Variants in KCNQ1 observed in about 807,000 individuals in gnomAD.
KCNQ1 encodes potassium voltage-gated channel subfamily Q member 1.
Under a neutral mutation model 72.4 loss-of-function variants are expected in KCNQ1, and 49 were observed. The observed-to-expected ratio is 0.68, with a 90% CI of 0.54 to 0.86. KCNQ1 has a LOEUF of 0.86. KCNQ1 is among the 40% of genes least tolerant of loss of function. The probability of loss-of-function intolerance (pLI) is 0.00; values close to 1 mark genes in which losing one functional copy is unlikely to be tolerated. For synonymous variants in KCNQ1, 450 were observed against 412.6 expected, an observed-to-expected ratio of 1.09 and a Z score of -1.10; for missense variants, 790 against 945.1, an observed-to-expected ratio of 0.84 and a Z score of 2.15.
chr11:2,534,778 C>A (rs1343893881), intron 2 of KCNQ1, among the ~76,000 whole-genome samples: 1 of 152,246 alleles, frequency 6.6e-6, no homozygotes, highest in Non-Finnish European at 1.5e-5. Flanking sequence ...ACGCGGTCGT[C>A]TTCTCCCTGG....
In KCNQ1 at chr11:2,676,243, A is replaced by C. The variant is rs757157851; in HGVS notation, c.1514+14162A>C. On this transcript the variant is annotated intron_variant, in intron 11 of 15. Coordinates refer to ENST00000155840, the MANE Select transcript of KCNQ1 (RefSeq NM_000218.3). The surrounding 1 kb of genome is among the most constrained non-coding windows in gnomAD (Gnocchi z 4.2). ...CAATGCTGATTTATTATGGTGCAGT[A>C]CATCTGAGAAGCATTTTTATTGCAA... 7.7e-4 allele frequency: 307 copies of C among 398,550 alleles called. 2 individuals carry two copies. The highest frequency in any genetic ancestry group is 1.2e-3 in the Non-Finnish European group (266 of 226,070). The allele number at this position is 398,550 out of a possible 1,614,324, so 24.7% of individuals were successfully genotyped here.
Position 2,495,507 on chromosome 11 carries a change from G to GCA in KCNQ1, c.387-32420_387-32419insAC, listed in dbSNP as rs1267287673. Among the ~76,000 whole-genome samples the GCA allele has an allele frequency of 3.3e-5, 5 of 152,152 alleles. No individual in the cohort carries two copies. The highest frequency in any genetic ancestry group is 7.3e-5 in the Non-Finnish European group (5 of 68,042). ...AAATTTGCCTCTAAACACTGCTTTA[G>GCA]CTGTGTCCCAGAAATTCTGGTACGT... On this transcript the variant is annotated intron_variant, in intron 1 of 15. Transcript: ENST00000155840. The surrounding 1 kb of genome is among the most constrained non-coding windows in gnomAD (Gnocchi z 4.6).
intron 10 of KCNQ1, chr11:2,660,354 G>A (rs1348083922): frequency 2.5e-6 from 1 of 398,370 alleles, no homozygotes; most frequent in Non-Finnish European, 4.4e-6. Flanking sequence ...AAATTTAAGA[G>A]AGAATTGTAT....
In KCNQ1 at chr11:2,544,294, G is replaced by GTA. The variant is rs1564811965; in HGVS notation, c.477+16282_477+16283dup. 3.7e-4 allele frequency among the ~76,000 whole-genome samples: 39 copies of GTA among 106,626 alleles called. No homozygotes were observed. Among genetic ancestry groups the GTA allele is most frequent in the African/African-American group, 1.7e-3 (35 of 21,150 alleles). The allele number at this position is 106,626 out of a possible 152,430, so 70.0% of individuals were successfully genotyped here. On this transcript the variant is annotated intron_variant, in intron 2 of 15. Coordinates refer to ENST00000155840, the MANE Select transcript of KCNQ1 (RefSeq NM_000218.3). The surrounding 1 kb of genome is among the most constrained non-coding windows in gnomAD (Gnocchi z 4.4). ...TGTATATATATGTGTATATATATAT[G>GTA]TATATATGTGTATATATGTATATAT...
chr11:2,833,214 C>T (rs1304406832), intron 15 of KCNQ1, among the ~76,000 whole-genome samples: 1 of 152,164 alleles, frequency 6.6e-6, no homozygotes, highest in African/African-American at 2.4e-5. Context: ...GCAAGGGGCC[C>T]ACGCGCCAGG....
intron 15 of KCNQ1, among the ~76,000 whole-genome samples, chr11:2,805,747 G>T (rs564492364): frequency 1.3e-5 from 2 of 152,210 alleles, no homozygotes; most frequent in Non-Finnish European, 2.9e-5. Flanking sequence ...GAACCTAATT[G>T]TGTGGTCTTC....
intron 11 of KCNQ1, among the ~76,000 whole-genome samples, chr11:2,760,023 G>A (rs1395691475): frequency 1.3e-5 from 2 of 152,240 alleles, no homozygotes; most frequent in African/African-American, 4.8e-5. Context: ...GGGCAGCCCA[G>A]TCCGGGAAAC....
Position 2,484,990 on chromosome 11 carries a change from C to T in KCNQ1, c.386+39506C>T, listed in dbSNP as rs143046152. Among the ~76,000 whole-genome samples, 4 of 152,292 alleles carry T rather than the reference C, an allele frequency of 2.6e-5. No individual in the cohort carries two copies. Among genetic ancestry groups the T allele is most frequent in the Admixed American group, 6.5e-5 (1 of 15,296 alleles). On this transcript the variant is annotated intron_variant, in intron 1 of 15. Coordinates refer to ENST00000155840, the MANE Select transcript of KCNQ1 (RefSeq NM_000218.3). This position sits in a 1 kb window ranked among gnomAD's most constrained non-coding sequence, Gnocchi z 5.2. ...GGAACTGGCTCCATACTTGCTGATG[C>T]GTGCCCCCATGAGAAGTGACTGACC...
chr11:2,697,398 G>C (rs1237397304), intron 11 of KCNQ1: 1 of 398,344 alleles, frequency 2.5e-6, no homozygotes, highest in African/African-American at 2.1e-5. Flanking sequence ...TCTTGTATTA[G>C]GGTATGGCCA....
At chr11:2,788,634 G>A (rs1022732410) in intron 15 of KCNQ1, among the ~76,000 whole-genome samples, 1 of 151,914 alleles carries the variant, frequency 6.6e-6, no homozygotes, top group African/African-American at 2.4e-5. Flanking sequence ...AGGCAAAGGC[G>A]GGGGCTCTGA....
At chr11:2,694,926 T>G (rs1219921342) in intron 11 of KCNQ1, 1 of 398,360 alleles carries the variant, frequency 2.5e-6, no homozygotes, top group Non-Finnish European at 4.4e-6. Context: ...CAGGCAGAGG[T>G]GGTGAAGGCC....
At chr11:2,644,988 G>A (rs999554238) in intron 10 of KCNQ1, 3 of 398,522 alleles carry the variant, frequency 7.5e-6, no homozygotes, top group Non-Finnish European at 1.3e-5. Flanking sequence ...AGTGTATGCT[G>A]GTACCAGTGT....
At position 2,471,903 on chromosome 11, in the gene KCNQ1, T is replaced by C. The variant is rs1846476502; in HGVS notation, c.386+26419T>C. On this transcript the variant is annotated intron_variant, in intron 1 of 15. Transcript: ENST00000155840. The surrounding 1 kb of genome is among the most constrained non-coding windows in gnomAD (Gnocchi z 4.8). ...GTGCACATGTGTATAGGTGTGTGTA[T>C]GCGTGCACCTATGTGTGTATAGGCG... 6.6e-6 allele frequency among the ~76,000 whole-genome samples: 1 copy of C among 151,336 alleles called. No individual in the cohort carries two copies. Among genetic ancestry groups the C allele is most frequent in the African/African-American group, 2.4e-5 (1 of 40,894 alleles).
chr11:2,480,143 T>G (rs893559271), intron 1 of KCNQ1, among the ~76,000 whole-genome samples: 6 of 149,134 alleles, frequency 4.0e-5, no homozygotes, highest in Admixed American at 6.7e-5. Context: ...TTCCAGACTC[T>G]CCCACATTTT....
chr11:2,687,660 C>T lies in KCNQ1; in HGVS notation c.1514+25579C>T, dbSNP rs1463591330. 2 of 398,576 alleles carry T rather than the reference C, an allele frequency of 5.0e-6. No homozygotes were observed. The highest frequency in any genetic ancestry group is 2.1e-5 in the African/African-American group (1 of 48,616). 24.7% of individuals were successfully genotyped at this position (398,576 alleles called of 1,614,324 possible). ...CTGTAAAAATTGGGACCTGTCCTTG[C>T]CAGCCAGGTCTCAGGGAGCTCAGGG... On this transcript the variant is annotated intron_variant, in intron 11 of 15. Coordinates refer to ENST00000155840, the MANE Select transcript of KCNQ1 (RefSeq NM_000218.3). The surrounding 1 kb of genome is among the most constrained non-coding windows in gnomAD (Gnocchi z 5.0).
intron 10 of KCNQ1, chr11:2,628,885 T>C (rs1229735565): frequency 1.0e-5 from 4 of 398,280 alleles, no homozygotes; most frequent in Non-Finnish European, 1.3e-5. Context: ...CTTTCCCCAT[T>C]GTGTACTCTT....
rs537345959 is a variant in KCNQ1 at position 2,702,617 on chromosome 11, C to A, written c.1514+40536C>A. Among the ~76,000 whole-genome samples, 4 of 152,276 alleles carry A rather than the reference C, an allele frequency of 2.6e-5. No individual in the cohort carries two copies. In the South Asian group the frequency reaches 8.3e-4, roughly 32 times the overall value. On this transcript the variant is annotated intron_variant, in intron 11 of 15. Coordinates refer to ENST00000155840, the MANE Select transcript of KCNQ1 (RefSeq NM_000218.3). ...TAGTTGATTCATTTATATAGATTTT[C>A]ATGTTCTGGGCTTGCCTCCACCCTC... is the stretch of plus-strand genomic sequence containing the variant.
rs1463288584 is a variant in KCNQ1, at chr11:2,526,340, C to A, written c.387-1588C>A. Among the ~76,000 whole-genome samples the A allele has an allele frequency of 6.6e-6, 1 of 151,832 alleles. No individual in the cohort carries two copies. Among genetic ancestry groups the A allele is most frequent in the African/African-American group, 2.4e-5 (1 of 41,324 alleles). The stretch of plus-strand genomic sequence containing the variant: ...GGTTCGGCTCTGCAGGTAGAGCTGA[C>A]CGGTGTGGCAGGGACAGGGTGTCGG... On this transcript the variant is annotated intron_variant, in intron 1 of 15. Coordinates refer to ENST00000155840, the MANE Select transcript of KCNQ1 (RefSeq NM_000218.3). This position sits in a 1 kb window ranked among gnomAD's most constrained non-coding sequence, Gnocchi z 6.1.
rs1477265812 is a variant in KCNQ1 at position 2,809,797 on chromosome 11, G to A, written c.1794+31760G>A. 6.6e-6 allele frequency among the ~76,000 whole-genome samples: 1 copy of A among 152,010 alleles called. No individual in the cohort carries two copies. Among genetic ancestry groups the A allele is most frequent in the Non-Finnish European group, 1.5e-5 (1 of 68,020 alleles). ...TGTTTCCCTGAGCTCTTCCCTCTCTGTCTCTAATTGATGTGTTTTCCTCCC... is the reference window on the plus strand; with the variant it reads ...TGTTTCCCTGAGCTCTTCCCTCTCTATCTCTAATTGATGTGTTTTCCTCCC... On this transcript the variant is annotated intron_variant, in intron 15 of 15. Transcript: ENST00000155840. This position sits in a 1 kb window ranked among gnomAD's most constrained non-coding sequence, Gnocchi z 7.1.
Sources: gnomAD v4.1 joint callset for allele counts (sites outside exome capture counted in the v4.1 genomes callset) on GRCh38, gnomAD v4.1.1 for gene constraint, Gnocchi (gnomAD v3.1) non-coding constraint, MANE v1.5 for transcripts, NCBI Gene and HGNC (gene_info 2026-07-23, HGNC 2026-07-21) for gene names.